The following DAB1 variants were observed in gnomAD, a reference collection of about 807,000 sequenced individuals.
DAB1 encodes disabled homolog 1.
Under a neutral mutation model 64.6 loss-of-function variants are expected in DAB1, and 15 were observed. That is an observed-to-expected ratio of 0.23 (90% CI 0.16 to 0.36). The LOEUF (loss-of-function observed/expected upper bound fraction) is 0.36, where lower values mean the gene tolerates loss of function less well. Ranked by LOEUF, DAB1 falls within the 10% of genes least tolerant of loss-of-function variation. The probability of loss-of-function intolerance (pLI) is 1.00; values close to 1 mark genes in which losing one functional copy is unlikely to be tolerated. For missense variants in DAB1, 596 were observed against 706.7 expected, an observed-to-expected ratio of 0.84 and a Z score of 1.78; for synonymous variants, 235 against 251.9, an observed-to-expected ratio of 0.93 and a Z score of 0.64.
intron 1 of DAB1, among the ~76,000 whole-genome samples, chr1:57,325,812 C>G (rs1676103367): frequency 6.6e-6 from 1 of 152,180 alleles, no homozygotes; most frequent in Non-Finnish European, 1.5e-5. Flanking sequence ...AGAACACATT[C>G]CTTCTCTAGA....
intron 5 of DAB1, chr1:58,071,411 G>C (rs866463850): frequency 8.0e-6 from 1 of 125,686 alleles, no homozygotes; most frequent in Non-Finnish European, 1.6e-5. Context: ...TGTGTGGGTG[G>C]GGAGAGACTG....
At chr1:57,968,361 A>G (rs1284853419) in intron 5 of DAB1, among the ~76,000 whole-genome samples, 1 of 152,186 alleles carries the variant, frequency 6.6e-6, no homozygotes, top group Non-Finnish European at 1.5e-5. Context: ...GAATCAGAGA[A>G]GGCAGGAAGA....
chr1:57,061,691 T>C (rs1650411584), intron 9 of DAB1, among the ~76,000 whole-genome samples: 1 of 152,206 alleles, frequency 6.6e-6, no homozygotes, highest in African/African-American at 2.4e-5. Flanking sequence ...TTCATATCTA[T>C]GTATTCTTTT....
intron 7 of DAB1, among the ~76,000 whole-genome samples, chr1:57,453,591 T>G (rs571194804): frequency 6.6e-6 from 1 of 152,268 alleles, no homozygotes; most frequent in Non-Finnish European, 1.5e-5. Flanking sequence ...TCCAATTTCT[T>G]TGAGTCCTCA....
chr1:57,744,801 T>C (rs1648184586), intron 6 of DAB1, among the ~76,000 whole-genome samples: 1 of 152,168 alleles, frequency 6.6e-6, no homozygotes, highest in Non-Finnish European at 1.5e-5. Flanking sequence ...ACAGAAACTA[T>C]GGCCGAGGAC....
chr1:57,841,077 T>C (rs902026202), intron 1 of DAB1, among the ~76,000 whole-genome samples: 2 of 152,120 alleles, frequency 1.3e-5, no homozygotes, highest in African/African-American at 4.8e-5. Flanking sequence ...GTACAGGAAT[T>C]GGGTAGATGG....
intron 5 of DAB1, among the ~76,000 whole-genome samples, chr1:57,951,587 A>T (rs1459915539): frequency 6.6e-6 from 1 of 151,930 alleles, no homozygotes; most frequent in Non-Finnish European, 1.5e-5. Flanking sequence ...GCTTTGGGAA[A>T]GTGACGTCAC....
chr1:58,484,268 A>C (rs960185243), intron 3 of DAB1, among the ~76,000 whole-genome samples: 1 of 152,198 alleles, frequency 6.6e-6, no homozygotes, highest in Non-Finnish European at 1.5e-5. Context: ...ACCCTGCTAT[A>C]AAAACTTTTC....
chr1:57,335,340 G>C (rs190241421), intron 1 of DAB1, among the ~76,000 whole-genome samples: 55 of 152,106 alleles, frequency 3.6e-4, no homozygotes, highest in Middle Eastern at 3.4e-3. Context: ...CATGCTGACT[G>C]CCTGATTAAA....
intron 4 of DAB1, among the ~76,000 whole-genome samples, chr1:57,084,136 CAG>C (rs1333716875): frequency 6.6e-6 from 1 of 152,144 alleles, no homozygotes; most frequent in East Asian, 1.9e-4. Context: ...TATTTAAAAA[CAG>C]AGTCATTATA....
intron 5 of DAB1, among the ~76,000 whole-genome samples, chr1:57,956,798 A>G (rs983052168): frequency 6.6e-6 from 1 of 152,352 alleles, no homozygotes; most frequent in South Asian, 2.1e-4. Flanking sequence ...ACTGAAGTGG[A>G]TATTTCAATA....
intron 7 of DAB1, among the ~76,000 whole-genome samples, chr1:57,496,478 A>T (rs1644232000): frequency 6.6e-6 from 1 of 152,236 alleles, no homozygotes; most frequent in African/African-American, 2.4e-5. Context: ...CATTTCAGCA[A>T]CAGGTTTATA....
intron 4 of DAB1, among the ~76,000 whole-genome samples, chr1:58,275,633 T>G (rs1661425682): frequency 6.6e-6 from 1 of 152,174 alleles, no homozygotes; most frequent in East Asian, 1.9e-4. Context: ...TATACTCATT[T>G]TAATGGCTGT....
At chr1:57,008,297 T>G (rs114117708) in intron 14 of DAB1, among the ~76,000 whole-genome samples, 1,883 of 152,256 alleles carry the variant, frequency 0.012, 44 homozygotes, top group African/African-American at 0.043. Context: ...ATATTGAAAA[T>G]TAATTATCTG....
chr1:57,356,300 A>C (rs1426361213), intron 1 of DAB1, among the ~76,000 whole-genome samples: 1 of 152,130 alleles, frequency 6.6e-6, no homozygotes, highest in Non-Finnish European at 1.5e-5. Flanking sequence ...ACATGACTTA[A>C]ACTTGCTCAG....
chr1:57,786,677 C>T (rs1376695169), intron 6 of DAB1, among the ~76,000 whole-genome samples: 3 of 152,044 alleles, frequency 2.0e-5, no homozygotes, highest in Admixed American at 2.0e-4. Flanking sequence ...CCGTGGAAAA[C>T]CAGGGTTTAA....
chr1:57,368,664 C>G (rs529506460), intron 1 of DAB1, among the ~76,000 whole-genome samples: 1 of 152,278 alleles, frequency 6.6e-6, no homozygotes, highest in South Asian at 2.1e-4. Context: ...AGGAGCTACC[C>G]ACTGCAGGTC....
At chr1:57,097,659 C>T (rs1044848973) in intron 4 of DAB1, among the ~76,000 whole-genome samples, 3 of 152,104 alleles carry the variant, frequency 2.0e-5, no homozygotes, top group African/African-American at 4.8e-5. Flanking sequence ...AGGACTGTCA[C>T]CTAAACTACT....
At chr1:58,399,599 C>G (rs1042156932) in intron 3 of DAB1, among the ~76,000 whole-genome samples, 5 of 152,204 alleles carry the variant, frequency 3.3e-5, no homozygotes, top group Non-Finnish European at 7.3e-5. Flanking sequence ...AAAGTCCGAG[C>G]TCTAACCACT....
Sources: gnomAD v4.1 joint callset for allele counts (sites outside exome capture counted in the v4.1 genomes callset) on GRCh38, gnomAD v4.1.1 for gene constraint, MANE v1.5 for transcripts, NCBI Gene and HGNC (gene_info 2026-07-23, HGNC 2026-07-21) for gene names.